The following CDC42BPB variants were observed in gnomAD, a reference collection of about 807,000 sequenced individuals.
CDC42BPB encodes the protein CDC42 binding protein kinase beta.
CDC42BPB carries 37 observed loss-of-function variants against 214.9 expected under a neutral mutation model. The observed-to-expected ratio is 0.17, with a 90% CI of 0.13 to 0.23. CDC42BPB has a LOEUF of 0.23. Among genes scored for constraint, CDC42BPB ranks in the 10% least tolerant of loss-of-function variants. The probability of loss-of-function intolerance (pLI) is 1.00; values close to 1 mark genes in which losing one functional copy is unlikely to be tolerated. For synonymous variants in CDC42BPB, 931 were observed against 884.0 expected, an observed-to-expected ratio of 1.05 and a Z score of -0.94; for missense variants, 1,694 against 2,227.0, an observed-to-expected ratio of 0.76 and a Z score of 4.82.
chr14:103,046,470 T>C (rs35887478), intron 1 of CDC42BPB, among the ~76,000 whole-genome samples: 2,367 of 151,988 alleles, frequency 0.016, 24 homozygotes, highest in Non-Finnish European at 0.026. Context: ...ACAAAGAGAA[T>C]GACCAAAGTA....
In CDC42BPB at chr14:102,983,557, T is replaced by C. The variant is rs956631106; in HGVS notation, c.890A>G (p.Glu297Gly). 6.2e-7 allele frequency: 1 copy of C among 1,600,494 alleles called. No homozygotes were observed. Among genetic ancestry groups the C allele is most frequent in the Non-Finnish European group, 8.5e-7 (1 of 1,179,444 alleles). ...VETYGKIMNHEERFQFPSHVT... is the reference protein window; with the variant it reads ...VETYGKIMNHGERFQFPSHVT... ...AAAAAAAAAAATGCAACGTCTTACT[T>C]CATGGTTCATGATCTTCCCATAGGT... Residue 297 changes from glutamate to glycine, a missense_variant and splice_region_variant, in exon 7 of 37, where the codon GAA becomes GGA. Transcript: ENST00000361246.
At chr14:102,945,070 G>A in intron 29 of CDC42BPB, 1 of 345,298 alleles carries the variant, frequency 2.9e-6, no homozygotes, top group Admixed American at 3.8e-5. Context: ...TCTCCCCACA[G>A]AGCTGCCAGG....
At chr14:102,954,098 A>C (rs1892610344) in intron 23 of CDC42BPB, 100 bp downstream of exon 23, 1 of 847,610 alleles carries the variant, frequency 1.2e-6, no homozygotes, top group African/African-American at 1.7e-5. Flanking sequence ...AAAATGACTA[A>C]GTATGTTTTA....
At chr14:102,999,487 G>T in intron 5 of CDC42BPB, 78 bp downstream of exon 5, 1 of 1,469,332 alleles carries the variant, frequency 6.8e-7, no homozygotes, top group Non-Finnish European at 9.5e-7. Context: ...TCTTGGGACG[G>T]CCTGGACTTG....
intron 24 of CDC42BPB, among the ~76,000 whole-genome samples, chr14:102,951,188 T>A (rs575944789): frequency 4.5e-4 from 68 of 151,950 alleles, no homozygotes; most frequent in African/African-American, 1.6e-3. Flanking sequence ...CACGTGGGAG[T>A]TTCTACACGG....
chr14:103,033,642 T>A (rs1887514039), intron 1 of CDC42BPB, among the ~76,000 whole-genome samples: 1 of 152,142 alleles, frequency 6.6e-6, no homozygotes, highest in Admixed American at 6.5e-5. Context: ...TACCACCATA[T>A]AAAAAACTCA....
intron 20 of CDC42BPB, among the ~76,000 whole-genome samples, chr14:102,960,251 C>T (rs887059255): frequency 1.3e-5 from 2 of 152,030 alleles, no homozygotes; most frequent in Admixed American, 1.3e-4. Context: ...ACCACAGGGG[C>T]AGCTGGGCTG....
Position 102,942,957 on chromosome 14 carries a change from G to A in CDC42BPB, c.4408+934C>T, listed in dbSNP as rs546353183. Among the ~76,000 whole-genome samples, 13 of 152,134 alleles carry A rather than the reference G, an allele frequency of 8.5e-5. No homozygotes were observed. In the East Asian group the frequency reaches 1.4e-3, roughly 16 times the overall value. On this transcript the variant is annotated intron_variant, in intron 30 of 36. Coordinates refer to ENST00000361246, the MANE Select transcript of CDC42BPB (RefSeq NM_006035.4). Reference sequence around the variant, plus strand: ...GATCTCAGCTCACTGCAACCTCTGTGTCCTGGGTTCAAGCGATTCTCCTGC... The same window carrying A: ...GATCTCAGCTCACTGCAACCTCTGTATCCTGGGTTCAAGCGATTCTCCTGC...
intron 23 of CDC42BPB, among the ~76,000 whole-genome samples, chr14:102,953,497 G>A (rs896036001): frequency 5.3e-5 from 8 of 152,236 alleles, no homozygotes; most frequent in Admixed American, 2.0e-4. Flanking sequence ...ACGTCCAGCC[G>A]GCATAGCTGC....
At chr14:103,042,305 ACAACCCAATTTTTTTTTTT>A (rs1171085477) in intron 1 of CDC42BPB, among the ~76,000 whole-genome samples, 1 of 151,586 alleles carries the variant, frequency 6.6e-6, no homozygotes, top group Non-Finnish European at 1.5e-5. Context: ...CAACAAAAAC[ACAACCCAATTTTTTTTTTT>A]TTTGAGACGG....
At chr14:102,938,467 T>C in intron 34 of CDC42BPB, 56 bp from the exon 35 acceptor site, 2 of 1,504,712 alleles carry the variant, frequency 1.3e-6, no homozygotes, top group Admixed American at 2.3e-5. Flanking sequence ...CAGGGCCGGC[T>C]GCGAAGTTTG....
In CDC42BPB at chr14:103,012,247, T is replaced by C. The variant is rs899946125; in HGVS notation, c.176-59A>G. 1.9e-5 allele frequency: 29 copies of C among 1,511,564 alleles called. 1 individual carries two copies. Among genetic ancestry groups the C allele is most frequent in the Admixed American group, 1.2e-4 (6 of 49,410 alleles). The allele number at this position is 1,511,564 out of a possible 1,614,324, so 93.6% of individuals were successfully genotyped here. On this transcript the variant is annotated intron_variant, in intron 1 of 36. Coordinates refer to ENST00000361246, the MANE Select transcript of CDC42BPB (RefSeq NM_006035.4). ...CTAATCAGTTCATACTATATAAAAA[T>C]TTAATTGAGTGGGGTGTTGCACTAA...
At chr14:102,980,073 C>G (rs747448266) in intron 8 of CDC42BPB, among the ~76,000 whole-genome samples, 1 of 152,098 alleles carries the variant, frequency 6.6e-6, no homozygotes, top group Non-Finnish European at 1.5e-5. Flanking sequence ...ACTGAGAGGC[C>G]GCCACACTGC....
At chr14:102,945,015 C>T (rs968548357) in intron 29 of CDC42BPB, among the ~76,000 whole-genome samples, 4 of 152,218 alleles carry the variant, frequency 2.6e-5, no homozygotes, top group Admixed American at 2.0e-4. Flanking sequence ...AAGACGCCGC[C>T]CTCACACGGC....
rs541298903 is a variant in CDC42BPB, at chr14:103,013,904, A to G, written c.176-1716T>C. On this transcript the variant is annotated intron_variant, in intron 1 of 36. Coordinates refer to ENST00000361246, the MANE Select transcript of CDC42BPB (RefSeq NM_006035.4). ...CTAGAGGCCAGGCGCAGTGGCTCAC[A>G]CCTGTAATCCCGGCACTTTGGGAGG... Among the ~76,000 whole-genome samples the G allele has an allele frequency of 4.6e-3, 706 of 152,234 alleles. 6 individuals carry two copies. The highest frequency in any genetic ancestry group is 0.016 in the African/African-American group (680 of 41,552).
intron 1 of CDC42BPB, among the ~76,000 whole-genome samples, chr14:103,020,137 G>A (rs939506945): frequency 1.4e-4 from 21 of 152,226 alleles, no homozygotes; most frequent in African/African-American, 3.6e-4. Context: ...CTGTTCATCC[G>A]TGCCACCCTG....
chr14:103,004,140 C>G lies in CDC42BPB; in HGVS notation c.352-117G>C, dbSNP rs779643822. On this transcript the variant is annotated intron_variant, in intron 3 of 36. Transcript: ENST00000361246. This position sits in a 1 kb window ranked among gnomAD's most constrained non-coding sequence, Gnocchi z 5.3. ...CTCCAGCCACGGTGTCCCTGCCTTC[C>G]GGGCTCCTCCTCGTGCACCACCCCG... 2 of 1,404,902 alleles carry G rather than the reference C, an allele frequency of 1.4e-6. No individual in the cohort carries two copies. Among genetic ancestry groups the G allele is most frequent in the Non-Finnish European group, 1.9e-6 (2 of 1,073,956 alleles). The allele number at this position is 1,404,902 out of a possible 1,614,324, so 87.0% of individuals were successfully genotyped here. A position where few individuals can be genotyped will look rare whatever the true frequency, so the allele number is the denominator to read the frequency against.
At chr14:102,978,982 G>C (rs1893880900) in intron 8 of CDC42BPB, among the ~76,000 whole-genome samples, 1 of 152,156 alleles carries the variant, frequency 6.6e-6, no homozygotes, top group African/African-American at 2.4e-5. Context: ...ATTCCAGCCT[G>C]GGTGACAGAA....
At chr14:103,036,477 C>A in intron 1 of CDC42BPB, among the ~76,000 whole-genome samples, 1 of 152,096 alleles carries the variant, frequency 6.6e-6, no homozygotes, top group East Asian at 1.9e-4. Context: ...AAACACAAGA[C>A]TGAAAGCTTC....
Sources: allele counts gnomAD v4.1 joint callset (sites outside exome capture counted in the v4.1 genomes callset), GRCh38; gene constraint gnomAD v4.1.1; non-coding constraint Gnocchi (gnomAD v3.1); transcripts MANE v1.5; gene names NCBI Gene and HGNC (gene_info 2026-07-23, HGNC 2026-07-21).